GAD2: variants seen among roughly 807,000 people sequenced by gnomAD.
The protein encoded by GAD2 is 65 kDa glutamic acid decarboxylase.
A neutral mutation model predicts 80.1 loss-of-function variants in GAD2; 22 were observed. The ratio of observed to expected loss-of-function variants is 0.27; its 90% CI spans 0.20 to 0.39. The LOEUF (loss-of-function observed/expected upper bound fraction) is 0.39. GAD2 is among the 10% of genes least tolerant of loss of function. The probability of loss-of-function intolerance (pLI) is 1.00; values close to 1 mark genes in which losing one functional copy is unlikely to be tolerated. For missense variants in GAD2, 624 were observed against 738.4 expected (o/e 0.85, Z 1.80); for synonymous variants, 274 against 256.9 (o/e 1.07, Z -0.64).
chr10:26,228,553 C>T (rs8190624), intron 6 of GAD2, among the ~76,000 whole-genome samples: 2,940 of 152,206 alleles, frequency 0.019, 90 homozygotes, highest in African/African-American at 0.066. Flanking sequence ...GGTGGTGGAT[C>T]GGTACAGGTC....
chr10:26,251,146 C>T (rs1844876658), intron 8 of GAD2, among the ~76,000 whole-genome samples: 1 of 151,320 alleles, frequency 6.6e-6, no homozygotes, highest in Admixed American at 6.6e-5. Context: ...GATCCACCCA[C>T]CTCGGCCTCC....
intron 8 of GAD2, 51 bp downstream of exon 8, chr10:26,246,051 C>T: frequency 6.8e-7 from 1 of 1,467,452 alleles, no homozygotes; most frequent in South Asian, 1.2e-5. Context: ...AAATTCCACA[C>T]AAGTAGTGCC....
chr10:26,294,097 C>G (rs545981439), intron 15 of GAD2, among the ~76,000 whole-genome samples: 1 of 152,310 alleles, frequency 6.6e-6, no homozygotes, highest in African/African-American at 2.4e-5. Flanking sequence ...ACCTGTCCCC[C>G]ATTCGAAACT....
intron 8 of GAD2, among the ~76,000 whole-genome samples, chr10:26,256,290 C>T (rs952781358): frequency 6.6e-6 from 1 of 152,008 alleles, no homozygotes; most frequent in African/African-American, 2.4e-5. Context: ...AAGCTCCTTG[C>T]AGACATCACG....
chr10:26,216,888 A>T lies in GAD2; in HGVS notation c.76+3A>T. On this transcript the variant is annotated splice_donor_region_variant and intron_variant, in intron 1 of 15. Transcript: ENST00000376261. The surrounding 1 kb of genome is among the most constrained non-coding windows in gnomAD (Gnocchi z 4.7). ...GGATTCCGAGAATCCCGGCACAGGT[A>T]GGAAGGAGAACGGGGGCCTGCGGCG... is the stretch of plus-strand genomic sequence containing the variant. 6.2e-7 allele frequency: 1 copy of T among 1,608,812 alleles called. No individual in the cohort carries two copies. The highest frequency in any genetic ancestry group is 2.3e-5 in the East Asian group (1 of 44,330).
chr10:26,224,476 G>A (rs1844496353), intron 5 of GAD2, 63 bp from the exon 6 acceptor site: 3 of 945,542 alleles, frequency 3.2e-6, no homozygotes, highest in Admixed American at 1.7e-5. Flanking sequence ...TGTAGCTATT[G>A]TAATGATTGT....
chr10:26,243,052 T>C lies in GAD2; in HGVS notation c.841-2869T>C, dbSNP rs35460917. ...CCAAATGCACAAAAAACCCCCCCCC[T>C]TTTTTTGGTGGGGGAGGTCATGCAT... On this transcript the variant is annotated intron_variant, in intron 7 of 15. Transcript: ENST00000376261. 5.5e-3 allele frequency among the ~76,000 whole-genome samples: 833 copies of C among 151,444 alleles called. 2 individuals are homozygous for C. The highest frequency in any genetic ancestry group is 8.2e-3 in the Non-Finnish European group (558 of 67,772).
At chr10:26,271,766 T>C (rs569354412) in intron 10 of GAD2, among the ~76,000 whole-genome samples, 2 of 152,244 alleles carry the variant, frequency 1.3e-5, no homozygotes, top group East Asian at 3.9e-4. Flanking sequence ...ATGCTCTTTT[T>C]TTTTTCTTTT....
chr10:26,255,857 G>A (rs1032534548), intron 8 of GAD2, among the ~76,000 whole-genome samples: 1 of 151,954 alleles, frequency 6.6e-6, no homozygotes, highest in Non-Finnish European at 1.5e-5. Context: ...GAAACAGAGA[G>A]GAGAAAGCAA....
Position 26,286,645 on chromosome 10 carries a change from G to T in GAD2, c.1386+151G>T, listed in dbSNP as rs532752963. 13 of 693,762 alleles carry T rather than the reference G, an allele frequency of 1.9e-5. No homozygotes were observed. The African/African-American group carries it at 2.4e-4, about 13-fold the overall frequency. 43.0% of individuals were successfully genotyped at this position (693,762 alleles called of 1,614,324 possible). A position where few individuals can be genotyped will look rare whatever the true frequency, so the allele number is the denominator to read the frequency against. ...AACTTGCGTCTAAATACCTTCATTT[G>T]ACATGAGGAAAAATATAGTCAAATC... On this transcript the variant is annotated intron_variant, in intron 13 of 15. Coordinates refer to ENST00000376261, the MANE Select transcript of GAD2 (RefSeq NM_001134366.2).
intron 7 of GAD2, among the ~76,000 whole-genome samples, chr10:26,230,703 G>A (rs555211867): frequency 2.0e-5 from 3 of 151,986 alleles, no homozygotes; most frequent in Non-Finnish European, 4.4e-5. Context: ...CCAAAGTGCT[G>A]AGATTACAGG....
chr10:26,289,755 A>G (rs1222651020), intron 13 of GAD2, among the ~76,000 whole-genome samples: 1 of 151,864 alleles, frequency 6.6e-6, no homozygotes, highest in East Asian at 1.9e-4. Context: ...AGCTAACAAA[A>G]ATAAGTAAAT....
At chr10:26,269,325 T>A in intron 9 of GAD2, 152 bp downstream of exon 9, 1 of 589,092 alleles carries the variant, frequency 1.7e-6, no homozygotes, top group Non-Finnish European at 2.9e-6. Context: ...AGTCACTATT[T>A]ATTTCTCTGG....
chr10:26,221,224 C>T (rs192084197), intron 4 of GAD2, among the ~76,000 whole-genome samples: 1 of 152,312 alleles, frequency 6.6e-6, no homozygotes, highest in East Asian at 1.9e-4. Flanking sequence ...TACTACCAGA[C>T]ATTTTAATAC....
intron 11 of GAD2, among the ~76,000 whole-genome samples, chr10:26,280,295 G>A (rs896344695): frequency 3.9e-5 from 6 of 152,194 alleles, no homozygotes; most frequent in African/African-American, 9.7e-5. Flanking sequence ...GGTTGAGGAC[G>A]CACGCCCGTG....
chr10:26,228,136 G>A (rs1466531967), intron 6 of GAD2, among the ~76,000 whole-genome samples: 1 of 152,264 alleles, frequency 6.6e-6, no homozygotes, highest in Non-Finnish European at 1.5e-5. Flanking sequence ...TCAGGAGGTA[G>A]AGGCAGTACC....
chr10:26,246,542 C>T (rs539544783), intron 8 of GAD2, among the ~76,000 whole-genome samples: 19 of 152,262 alleles, frequency 1.2e-4, no homozygotes, highest in Admixed American at 6.5e-4. Flanking sequence ...AGAATGTCCA[C>T]GTAAAGTATC....
Position 26,218,010 on chromosome 10 carries a change from G to A in GAD2, c.286+19G>A, listed in dbSNP as rs776174588. 6.3e-7 allele frequency: 1 copy of A among 1,580,178 alleles called. No individual in the cohort carries two copies. Among genetic ancestry groups the A allele is most frequent in the East Asian group, 2.3e-5 (1 of 44,016 alleles). ...GCAACAGGTAAAGACTCAGCGGGGA[G>A]CCCCGGGGCGCCCCTGCCCCTCTCT... On this transcript the variant is annotated intron_variant, in intron 3 of 15. Transcript: ENST00000376261.
rs8190633 is a variant in GAD2 at position 26,230,107 on chromosome 10, G to T, written c.840+330G>T. ...TACTTGAGTTCAGGAGGTTGAGACTGCAGTGAGCCGTGATTGCACCACCAC... is the reference window on the plus strand; with the variant it reads ...TACTTGAGTTCAGGAGGTTGAGACTTCAGTGAGCCGTGATTGCACCACCAC... On this transcript the variant is annotated intron_variant, in intron 7 of 15. Transcript: ENST00000376261. Among the ~76,000 whole-genome samples, 410 of 152,258 alleles carry T rather than the reference G, an allele frequency of 2.7e-3. 5 individuals are homozygous for T. The Middle Eastern group carries it at 0.041, about 15-fold the overall frequency.
Sources: allele counts gnomAD v4.1 joint callset (sites outside exome capture counted in the v4.1 genomes callset), GRCh38; gene constraint gnomAD v4.1.1; non-coding constraint Gnocchi (gnomAD v3.1); transcripts MANE v1.5; gene names NCBI Gene and HGNC (gene_info 2026-07-23, HGNC 2026-07-21).